Variants in CLVS2 observed in about 807,000 individuals in gnomAD.
The protein encoded by CLVS2 is clavesin 2.
A neutral mutation model predicts 29.0 loss-of-function variants in CLVS2; 19 were observed. The ratio of observed to expected loss-of-function variants is 0.66; its 90% confidence interval spans 0.46 to 0.96. The LOEUF is 0.96. Among genes scored for constraint, CLVS2 ranks in the 40% least tolerant of loss-of-function variants. The pLI is 0.00. For missense variants in CLVS2, 294 were observed against 404.1 expected (o/e 0.73, Z 2.34); for synonymous variants, 161 against 151.3 (o/e 1.06, Z -0.47).
intron 4 of CLVS2, 72 bp from the exon 5 acceptor site, chr6:123,055,734 C>G: frequency 9.3e-7 from 1 of 1,069,822 alleles, no homozygotes; most frequent in Non-Finnish European, 1.4e-6. Context: ...CCTCACATCC[C>G]CCCTGTAGGA....
chr6:122,997,584 C>T lies in CLVS2; in HGVS notation c.-194C>T, dbSNP rs1019114858. The T allele has an allele frequency of 1.1e-5, 7 of 615,290 alleles. No homozygotes were observed. Among genetic ancestry groups the T allele is most frequent in the South Asian group, 6.4e-5 (3 of 47,204 alleles). The allele number at this position is 615,290 out of a possible 1,614,324, so 38.1% of individuals were successfully genotyped here. On this transcript the variant is annotated 5_prime_UTR_variant, in exon 2 of 6. Transcript: ENST00000275162. Reference sequence around the variant, plus strand: ...GAGGAAGAAGTTTACACCCCCCGGCCCCCCCAGCTTTGCTGGGGGAAAGCA... The same window carrying T: ...GAGGAAGAAGTTTACACCCCCCGGCTCCCCCAGCTTTGCTGGGGGAAAGCA...
intron 2 of CLVS2, among the ~76,000 whole-genome samples, chr6:123,007,544 A>T (rs1354682558): frequency 6.6e-6 from 1 of 152,162 alleles, no homozygotes; most frequent in Non-Finnish European, 1.5e-5. Flanking sequence ...GAGGTATTAG[A>T]TGTTTTCCTT....
intron 3 of CLVS2, among the ~76,000 whole-genome samples, chr6:123,029,551 TGAATAAGGAAATAAG>T (rs1408530017): frequency 6.6e-6 from 1 of 152,118 alleles, no homozygotes; most frequent in Non-Finnish European, 1.5e-5. Flanking sequence ...TTAGCATTCA[TGAATAAGGAAATAAG>T]GAATAAGGAA....
At chr6:123,061,194 G>C in intron 5 of CLVS2, among the ~76,000 whole-genome samples, 1 of 152,118 alleles carries the variant, frequency 6.6e-6, no homozygotes, top group East Asian at 1.9e-4. Context: ...CTGGCTACTT[G>C]GGGGAGGTGG....
Position 123,035,859 on chromosome 6 carries a change from T to C in CLVS2, c.565-12763T>C, listed in dbSNP as rs575653289. Among the ~76,000 whole-genome samples, 3 of 152,246 alleles carry C rather than the reference T, an allele frequency of 2.0e-5. No homozygotes were observed. In the East Asian group the frequency reaches 5.8e-4, roughly 29 times the overall value. On this transcript the variant is annotated intron_variant, in intron 3 of 5. Transcript: ENST00000275162. ...CACAACAACTGTTGGAAAGAACATT[T>C]CTTTATTCAGAAGATCTGTTCTTCC... is the stretch of plus-strand genomic sequence containing the variant.
At chr6:123,037,304 G>A (rs577915665) in intron 3 of CLVS2, among the ~76,000 whole-genome samples, 1 of 152,236 alleles carries the variant, frequency 6.6e-6, no homozygotes, top group South Asian at 2.1e-4. Flanking sequence ...TGTTCGTGAA[G>A]TTGTAGAGCC....
At chr6:123,058,466 C>T (rs574863683) in intron 5 of CLVS2, among the ~76,000 whole-genome samples, 9 of 152,250 alleles carry the variant, frequency 5.9e-5, no homozygotes, top group African/African-American at 2.2e-4. Flanking sequence ...GCACATTTTT[C>T]TCTGTATCTT....
At chr6:123,033,536 T>G (rs957900322) in intron 3 of CLVS2, among the ~76,000 whole-genome samples, 2 of 152,050 alleles carry the variant, frequency 1.3e-5, no homozygotes, top group African/African-American at 4.8e-5. Context: ...AACCTCAACT[T>G]AAAGCTCAAA....
chr6:123,008,416 T>G (rs1582644151), intron 2 of CLVS2, among the ~76,000 whole-genome samples: 1 of 152,284 alleles, frequency 6.6e-6, no homozygotes, highest in South Asian at 2.1e-4. Flanking sequence ...AGAACCATAC[T>G]TCAAGTGTGT....
chr6:123,003,477 A>G (rs1178616793), intron 2 of CLVS2, among the ~76,000 whole-genome samples: 3 of 152,210 alleles, frequency 2.0e-5, no homozygotes, highest in Non-Finnish European at 4.4e-5. Flanking sequence ...GTAAGTGGCT[A>G]TTACACTATT....
At chr6:123,058,358 A>T (rs1000681053) in intron 5 of CLVS2, among the ~76,000 whole-genome samples, 4 of 152,188 alleles carry the variant, frequency 2.6e-5, no homozygotes, top group Non-Finnish European at 5.9e-5. Context: ...GGCAGCTGTC[A>T]TCGGTGTCCA....
chr6:123,013,909 T>C (rs566801806), intron 3 of CLVS2, among the ~76,000 whole-genome samples: 2 of 151,192 alleles, frequency 1.3e-5, no homozygotes, highest in South Asian at 4.2e-4. Context: ...GAACATGCAA[T>C]GTTTGGTTTT....
intron 2 of CLVS2, among the ~76,000 whole-genome samples, chr6:123,005,534 G>C (rs1774655149): frequency 6.6e-6 from 1 of 152,152 alleles, no homozygotes; most frequent in Non-Finnish European, 1.5e-5. Context: ...GTTTTTTCTT[G>C]TCATGCTGAA....
In CLVS2 at chr6:123,063,858, C is replaced by A; in HGVS notation, c.*97C>A. 4 of 787,216 alleles carry A rather than the reference C, an allele frequency of 5.1e-6. No homozygotes were observed. Among genetic ancestry groups the A allele is most frequent in the South Asian group, 1.7e-5 (1 of 59,852 alleles). The allele number at this position is 787,216 out of a possible 1,614,324, so 48.8% of individuals were successfully genotyped here. A position where few individuals can be genotyped will look rare whatever the true frequency, so the allele number is the denominator to read the frequency against. ...AGAGGAATTACCAGCTGGAAACCGA[C>A]TTATTCATGTTAATGTAGCATAATA... On this transcript the variant is annotated 3_prime_UTR_variant, in exon 6 of 6. Coordinates refer to ENST00000275162, the MANE Select transcript of CLVS2 (RefSeq NM_001010852.4).
At chr6:123,037,780 C>T (rs896541190) in intron 3 of CLVS2, among the ~76,000 whole-genome samples, 1 of 152,046 alleles carries the variant, frequency 6.6e-6, no homozygotes, top group African/African-American at 2.4e-5. Context: ...CTTGCTACTG[C>T]TGTTTTTTCT....
At chr6:123,050,658 AGGT>A (rs751282130) in intron 4 of CLVS2, among the ~76,000 whole-genome samples, 4 of 152,102 alleles carry the variant, frequency 2.6e-5, no homozygotes, top group Non-Finnish European at 5.9e-5. Context: ...GGGATGGAGT[AGGT>A]GGTAGAGGAT....
rs965577068 is a variant in CLVS2, at chr6:123,066,673, A to G, written c.*2912A>G. 1 of 151,766 alleles carries G rather than the reference A, an allele frequency of 6.6e-6. No individual in the cohort carries two copies. The highest frequency in any genetic ancestry group is 1.5e-5 in the Non-Finnish European group (1 of 67,764). The allele number at this position is 151,766 out of a possible 1,614,324, so 9.4% of individuals were successfully genotyped here. A position where few individuals can be genotyped will look rare whatever the true frequency, so the allele number is the denominator to read the frequency against. On this transcript the variant is annotated 3_prime_UTR_variant, in exon 6 of 6. Transcript: ENST00000275162. ...ATGTTTGCCTGCATTTTTGACTACTATTTAAGAGGGAAGAGATTATCATGA... is the reference window on the plus strand; with the variant it reads ...ATGTTTGCCTGCATTTTTGACTACTGTTTAAGAGGGAAGAGATTATCATGA...
In CLVS2 at chr6:123,050,129, C is replaced by G. The variant is rs367742103; in HGVS notation, c.675+1397C>G. On this transcript the variant is annotated intron_variant, in intron 4 of 5. Transcript: ENST00000275162. ...TTTTAATAGTTTAGGAGGAAGAATT[C>G]TATAAACAATTATAATTTATAGTAG... Among the ~76,000 whole-genome samples, 32 of 152,240 alleles carry G rather than the reference C, an allele frequency of 2.1e-4. 1 individual carries two copies. The South Asian group carries it at 6.6e-3, about 32-fold the overall frequency.
At chr6:123,054,101 C>A in intron 4 of CLVS2, among the ~76,000 whole-genome samples, 1 of 152,144 alleles carries the variant, frequency 6.6e-6, no homozygotes, top group Non-Finnish European at 1.5e-5. Flanking sequence ...ATTACACTGA[C>A]TGCTCCAAGG....
Sources: gnomAD v4.1 joint callset for allele counts (sites outside exome capture counted in the v4.1 genomes callset) on GRCh38, gnomAD v4.1.1 for gene constraint, MANE v1.5 for transcripts, NCBI Gene and HGNC (gene_info 2026-07-23, HGNC 2026-07-21) for gene names.